The following POC1A variants were observed in gnomAD, a reference collection of about 807,000 sequenced individuals.
POC1A encodes the protein POC1 centriolar protein homolog A.
POC1A carries 34 observed loss-of-function variants against 47.8 expected under a neutral mutation model. The ratio of observed to expected loss-of-function variants is 0.71; its 90% CI spans 0.54 to 0.95. The LOEUF is 0.95. Among genes scored for constraint, POC1A ranks in the 40% least tolerant of loss-of-function variants. The pLI, the probability that POC1A is intolerant of heterozygous loss-of-function variation, is 0.00. For synonymous variants in POC1A, 177 were observed against 207.6 expected, an observed-to-expected ratio of 0.85 and a Z score of 1.27; for missense variants, 466 against 528.3, an observed-to-expected ratio of 0.88 and a Z score of 1.16.
intron 4 of POC1A, among the ~76,000 whole-genome samples, chr3:52,147,599 A>AATTTT (rs1222912269): frequency 4.6e-5 from 7 of 151,734 alleles, no homozygotes; most frequent in South Asian, 4.2e-4. Context: ...ACACCCAGCT[A>AATTTT]ATTTTATTTT....
Position 52,126,693 on chromosome 3 carries a change from G to A in POC1A, c.814-1512C>T, listed in dbSNP as rs1704015638. On this transcript the variant is annotated intron_variant, in intron 7 of 10. Coordinates refer to ENST00000296484, the MANE Select transcript of POC1A (RefSeq NM_015426.5). ...GAGGCTGGGAAGTCCAAGATCGGGG[G>A]CCAGCATCTGGCAAGGGCCTTCTTG... 2.0e-5 allele frequency among the ~76,000 whole-genome samples: 3 copies of A among 152,236 alleles called. No individual in the cohort carries two copies. The South Asian group carries it at 6.2e-4, about 32-fold the overall frequency.
At chr3:52,138,773 A>G (rs139851079) in intron 6 of POC1A, among the ~76,000 whole-genome samples, 227 of 152,294 alleles carry the variant, frequency 1.5e-3, no homozygotes, top group Non-Finnish European at 2.1e-3. Context: ...GCAGAAAGCT[A>G]AGACACTCTT....
chr3:52,141,555 C>A (rs1003286625), intron 6 of POC1A, among the ~76,000 whole-genome samples: 1 of 152,216 alleles, frequency 6.6e-6, no homozygotes, highest in African/African-American at 2.4e-5. Flanking sequence ...TGTGTAAATG[C>A]CGTGTAAATG....
intron 9 of POC1A, among the ~76,000 whole-genome samples, chr3:52,113,254 G>A (rs575008414): frequency 3.3e-5 from 5 of 152,210 alleles, no homozygotes; most frequent in Non-Finnish European, 2.9e-5. Flanking sequence ...GGTAGCCTCT[G>A]GAAGAAAAAG....
intron 10 of POC1A, among the ~76,000 whole-genome samples, chr3:52,095,366 A>G (rs983110600): frequency 6.6e-6 from 1 of 152,174 alleles, no homozygotes; most frequent in East Asian, 1.9e-4. Context: ...CAGCTGGGCT[A>G]TGATGACACA....
At chr3:52,138,754 GGCAGACGA>G (rs1295200553) in intron 6 of POC1A, among the ~76,000 whole-genome samples, 1 of 152,194 alleles carries the variant, frequency 6.6e-6, no homozygotes, top group Admixed American at 6.5e-5. Flanking sequence ...CGTGTGTGGG[GGCAGACGA>G]GCAGAAAGCT....
At chr3:52,120,767 A>G (rs1703752737) in intron 9 of POC1A, among the ~76,000 whole-genome samples, 1 of 152,114 alleles carries the variant, frequency 6.6e-6, no homozygotes, top group African/African-American at 2.4e-5. Context: ...CTGTTCACCC[A>G]CTCATGCCCC....
intron 10 of POC1A, among the ~76,000 whole-genome samples, chr3:52,089,758 G>A (rs1226987508): frequency 6.6e-6 from 1 of 152,106 alleles, no homozygotes; most frequent in African/African-American, 2.4e-5. Context: ...GATCCCCATG[G>A]AAAACTGTAT....
intron 10 of POC1A, among the ~76,000 whole-genome samples, chr3:52,086,639 C>G (rs1702464548): frequency 6.6e-6 from 1 of 152,244 alleles, no homozygotes; most frequent in African/African-American, 2.4e-5. Context: ...TCAGCAGTGA[C>G]TAGGGGGCCA....
intron 8 of POC1A, among the ~76,000 whole-genome samples, chr3:52,123,650 T>A (rs59600044): frequency 6.6e-6 from 1 of 152,222 alleles, no homozygotes; most frequent in African/African-American, 2.4e-5. Context: ...AGGGTCTTCA[T>A]GTCACTGCAA....
Position 52,096,628 on chromosome 3 carries a change from G to A in POC1A, c.1066C>T (p.Pro356Ser). The change falls in exon 10 of 11, where the codon CCC becomes TCC. Residue 356 changes from proline (P) to serine (S), a missense_variant. Coordinates refer to ENST00000296484, the MANE Select transcript of POC1A (RefSeq NM_015426.5). Reference protein sequence around the residue: ...QSQPQEPVSVPQTLTSTLEHI... With the variant: ...QSQPQEPVSVSQTLTSTLEHI... ...TCCAGCGTGCTAGTCAGTGTCTGGG[G>A]CACACTCACGGGCTCCTGGGGCTGG... 1 of 1,612,766 alleles carries A rather than the reference G, an allele frequency of 6.2e-7. No homozygotes were observed. The highest frequency in any genetic ancestry group is 8.5e-7 in the Non-Finnish European group (1 of 1,179,410).
At chr3:52,147,936 G>GAAAACCAAACATAAATAAACA (rs1698422251) in intron 4 of POC1A, among the ~76,000 whole-genome samples, 2 of 149,930 alleles carry the variant, frequency 1.3e-5, no homozygotes, top group African/African-American at 4.9e-5. Flanking sequence ...TGACTTAGAG[G>GAAAACCAAACATAAATAAACA]AAAACCAAAC....
chr3:52,108,367 G>T (rs545534068), intron 9 of POC1A, among the ~76,000 whole-genome samples: 3 of 152,344 alleles, frequency 2.0e-5, no homozygotes, highest in East Asian at 3.9e-4. Context: ...ACGAGCGGCA[G>T]AGCCGACATC....
At chr3:52,125,034 CA>C in intron 8 of POC1A, 78 bp downstream of exon 8, 1 of 1,168,530 alleles carries the variant, frequency 8.6e-7, no homozygotes, top group South Asian at 1.3e-5. Flanking sequence ...GCCCATCCCC[CA>C]AACACCCTGT....
rs542353995 is a variant in POC1A at position 52,096,940 on chromosome 3, T to G, written c.982-228A>C. Among the ~76,000 whole-genome samples the G allele has an allele frequency of 9.2e-5, 14 of 152,312 alleles. No homozygotes were observed. In the South Asian group the frequency reaches 2.9e-3, roughly 32 times the overall value. On this transcript the variant is annotated intron_variant, in intron 9 of 10. Coordinates refer to ENST00000296484, the MANE Select transcript of POC1A (RefSeq NM_015426.5). ...TGGGGAGTGGAATCAGAATGCCTTGTGATCCAGGCAGGAAGGGGCCTGGGG... is the reference window on the plus strand; with the variant it reads ...TGGGGAGTGGAATCAGAATGCCTTGGGATCCAGGCAGGAAGGGGCCTGGGG...
chr3:52,146,749 C>T (rs1483148316), intron 5 of POC1A, among the ~76,000 whole-genome samples: 2 of 152,256 alleles, frequency 1.3e-5, no homozygotes, highest in East Asian at 3.8e-4. Flanking sequence ...CAAAGAATTG[C>T]ATGGCTTGAG....
intron 10 of POC1A, among the ~76,000 whole-genome samples, chr3:52,085,503 A>G (rs1032567788): frequency 2.6e-5 from 4 of 152,112 alleles, no homozygotes. Context: ...CTGCCCACCA[A>G]TACTGCCTTC....
intron 10 of POC1A, among the ~76,000 whole-genome samples, chr3:52,078,763 T>C (rs1702196239): frequency 6.6e-6 from 1 of 152,190 alleles, no homozygotes. Flanking sequence ...CCTCCCAAAA[T>C]GTTGGGATTA....
intron 10 of POC1A, among the ~76,000 whole-genome samples, chr3:52,078,183 C>T (rs975237131): frequency 6.6e-6 from 1 of 152,112 alleles, no homozygotes; most frequent in Admixed American, 6.5e-5. Flanking sequence ...CTCAGCTTCC[C>T]CTGTTCCTTC....
Sources: gnomAD v4.1 joint callset for allele counts (sites outside exome capture counted in the v4.1 genomes callset) on GRCh38, gnomAD v4.1.1 for gene constraint, MANE v1.5 for transcripts, NCBI Gene and HGNC (gene_info 2026-07-23, HGNC 2026-07-21) for gene names.